Variants in PIP5K1B observed in about 807,000 individuals in gnomAD.
PIP5K1B encodes the protein phosphatidylinositol 4-phosphate 5-kinase type-1 beta.
A neutral mutation model predicts 67.0 loss-of-function variants in PIP5K1B; 42 were observed. The ratio of observed to expected loss-of-function variants is 0.63; its 90% CI spans 0.49 to 0.81. The LOEUF (loss-of-function observed/expected upper bound fraction) is 0.81, where lower values mean the gene tolerates loss of function less well. Ranked by LOEUF, PIP5K1B falls within the 30% of genes least tolerant of loss-of-function variation. The pLI is 0.00. For synonymous variants in PIP5K1B, 214 were observed against 231.4 expected (o/e 0.92, Z 0.68); for missense variants, 459 against 646.3 (o/e 0.71, Z 3.14).
chr9:68,780,460 G>A, intron 2 of PIP5K1B: 1 of 1,614,220 alleles, frequency 6.2e-7, no homozygotes, highest in Non-Finnish European at 8.5e-7. Context: ...TTGATCAACC[G>A]AGAGACGGTC....
At chr9:68,740,463 G>C (rs1828951210) in intron 1 of PIP5K1B, among the ~76,000 whole-genome samples, 1 of 152,196 alleles carries the variant, frequency 6.6e-6, no homozygotes, top group Non-Finnish European at 1.5e-5. Flanking sequence ...AACAGTAGAA[G>C]ACAGAAATAA....
chr9:68,839,727 A>G (rs747327114), intron 4 of PIP5K1B, among the ~76,000 whole-genome samples: 3 of 152,194 alleles, frequency 2.0e-5, no homozygotes, highest in East Asian at 3.8e-4. Flanking sequence ...CTTCAAGCCT[A>G]GGGGAGCCCT....
chr9:68,842,638 A>G (rs1821973749), intron 4 of PIP5K1B, among the ~76,000 whole-genome samples: 1 of 152,038 alleles, frequency 6.6e-6, no homozygotes, highest in Admixed American at 6.6e-5. Context: ...TTTGCTCACC[A>G]CCCCTCCAGA....
At chr9:68,895,596 T>C (rs1825042244) in intron 8 of PIP5K1B, among the ~76,000 whole-genome samples, 1 of 150,062 alleles carries the variant, frequency 6.7e-6, no homozygotes, top group African/African-American at 2.5e-5. Context: ...AAGTAGGGAA[T>C]TTCCACTAAG....
At chr9:68,869,810 T>C (rs1823543912) in intron 5 of PIP5K1B, among the ~76,000 whole-genome samples, 1 of 152,170 alleles carries the variant, frequency 6.6e-6, no homozygotes, top group African/African-American at 2.4e-5. Context: ...AGACCTCATC[T>C]CTTTATATTT....
At chr9:68,911,534 G>A (rs1158391310) in intron 8 of PIP5K1B, among the ~76,000 whole-genome samples, 10 of 152,150 alleles carry the variant, frequency 6.6e-5, no homozygotes, top group African/African-American at 2.4e-4. Context: ...AAATAAAAGA[G>A]GGAAGTGAGG....
chr9:68,859,112 C>A (rs1244683269), intron 4 of PIP5K1B, among the ~76,000 whole-genome samples: 1 of 152,168 alleles, frequency 6.6e-6, no homozygotes, highest in Non-Finnish European at 1.5e-5. Flanking sequence ...GGATTTAGAC[C>A]AAGTTCATCT....
chr9:68,948,098 A>G (rs1409205264), intron 14 of PIP5K1B, among the ~76,000 whole-genome samples: 1 of 152,234 alleles, frequency 6.6e-6, no homozygotes, highest in Middle Eastern at 3.2e-3. Context: ...TGAGGGGAAA[A>G]TGTGGTCACA....
Position 68,949,182 on chromosome 9 carries a change from C to G in PIP5K1B, c.1502+8392C>G, listed in dbSNP as rs143869291. ...CATCTTTATTTCCCTTGACTTAAAA[C>G]ACTAGTGCTATGTCTCTGGAAGAAT... On this transcript the variant is annotated intron_variant, in intron 14 of 15. Transcript: ENST00000265382. 4.0e-3 allele frequency among the ~76,000 whole-genome samples: 616 copies of G among 152,190 alleles called. 1 individual carries two copies. Among genetic ancestry groups the G allele is most frequent in the Non-Finnish European group, 6.6e-3 (447 of 68,010 alleles).
chr9:68,879,655 A>G (rs542548557), intron 6 of PIP5K1B, among the ~76,000 whole-genome samples: 4 of 152,312 alleles, frequency 2.6e-5, no homozygotes, highest in Admixed American at 1.3e-4. Flanking sequence ...CATGGTGACT[A>G]TAGGTAATAA....
intron 4 of PIP5K1B, among the ~76,000 whole-genome samples, chr9:68,847,984 A>G (rs1202259875): frequency 6.6e-6 from 1 of 152,220 alleles, no homozygotes; most frequent in African/African-American, 2.4e-5. Flanking sequence ...GACATCAGGT[A>G]TGACAGTTAT....
intron 14 of PIP5K1B, among the ~76,000 whole-genome samples, chr9:68,954,413 C>T (rs1828268431): frequency 6.6e-6 from 1 of 152,186 alleles, no homozygotes; most frequent in African/African-American, 2.4e-5. Context: ...GAGAACTGCT[C>T]AGCGAAGATT....
intron 2 of PIP5K1B, among the ~76,000 whole-genome samples, chr9:68,815,732 C>A (rs2132043939): frequency 6.6e-6 from 1 of 151,936 alleles, no homozygotes; most frequent in South Asian, 2.1e-4. Context: ...ATAAAGATGG[C>A]CACAACGGTT....
chr9:68,969,010 C>T (rs1829198849), intron 14 of PIP5K1B, among the ~76,000 whole-genome samples: 1 of 152,136 alleles, frequency 6.6e-6, no homozygotes, highest in Non-Finnish European at 1.5e-5. Flanking sequence ...TGCGTAGCTT[C>T]TGAGGGCCTC....
At chr9:68,888,022 AG>A (rs1252805635) in intron 6 of PIP5K1B, among the ~76,000 whole-genome samples, 1 of 136,818 alleles carries the variant, frequency 7.3e-6, no homozygotes, top group Non-Finnish European at 1.5e-5. Flanking sequence ...TCTGTCGCCC[AG>A]GCTGGAGTGC....
At chr9:68,747,339 T>C (rs1182581592) in intron 2 of PIP5K1B, among the ~76,000 whole-genome samples, 2 of 151,356 alleles carry the variant, frequency 1.3e-5, no homozygotes, top group Non-Finnish European at 2.9e-5. Context: ...GTCTGTTGAT[T>C]GTAAAATAAT....
chr9:68,951,824 A>G (rs1423795349), intron 14 of PIP5K1B, among the ~76,000 whole-genome samples: 1 of 152,170 alleles, frequency 6.6e-6, no homozygotes, highest in East Asian at 1.9e-4. Flanking sequence ...ACCTCCCCCT[A>G]CGTCTTCATG....
At chr9:68,992,309 T>C (rs1830417743) in intron 15 of PIP5K1B, among the ~76,000 whole-genome samples, 1 of 152,126 alleles carries the variant, frequency 6.6e-6, no homozygotes, top group Non-Finnish European at 1.5e-5. Flanking sequence ...TTTTGGAATT[T>C]TCTGGGTTTT....
At chr9:68,847,162 A>G (rs1214030699) in intron 4 of PIP5K1B, among the ~76,000 whole-genome samples, 1 of 152,136 alleles carries the variant, frequency 6.6e-6, no homozygotes, top group Non-Finnish European at 1.5e-5. Context: ...CTATCAGAGC[A>G]CTGAGAGATG....
Sources: gnomAD v4.1 joint callset for allele counts (sites outside exome capture counted in the v4.1 genomes callset) on GRCh38, gnomAD v4.1.1 for gene constraint, MANE v1.5 for transcripts, NCBI Gene and HGNC (gene_info 2026-07-23, HGNC 2026-07-21) for gene names.